DLG2: variants seen among roughly 807,000 people sequenced by gnomAD.
The protein encoded by DLG2 is disks large homolog 2.
A neutral mutation model predicts 132.5 loss-of-function variants in DLG2; 45 were observed. The ratio of observed to expected loss-of-function variants is 0.34; its 90% CI spans 0.27 to 0.44. The LOEUF (loss-of-function observed/expected upper bound fraction) is 0.44. Among genes scored for constraint, DLG2 ranks in the 20% least tolerant of loss-of-function variants. DLG2 has a pLI of 1.00. For synonymous variants in DLG2, 424 were observed against 419.6 expected, an observed-to-expected ratio of 1.01 and a Z score of -0.13; for missense variants, 1,045 against 1,196.9, an observed-to-expected ratio of 0.87 and a Z score of 1.87.
At chr11:84,996,777 A>C (rs947652097) in intron 6 of DLG2, among the ~76,000 whole-genome samples, 4 of 152,210 alleles carry the variant, frequency 2.6e-5, no homozygotes, top group Admixed American at 2.0e-4. Flanking sequence ...TGTACCTTTC[A>C]GGATGAGCAC....
intron 8 of DLG2, among the ~76,000 whole-genome samples, chr11:84,173,536 A>C (rs2095869726): frequency 6.6e-6 from 1 of 152,204 alleles, no homozygotes; most frequent in Admixed American, 6.5e-5. Context: ...AGGGAAATAA[A>C]AACTGGGTGC....
intron 2 of DLG2, among the ~76,000 whole-genome samples, chr11:85,623,660 G>A (rs190857883): frequency 1.3e-5 from 2 of 152,198 alleles, no homozygotes; most frequent in Admixed American, 6.5e-5. Flanking sequence ...AAGTAATAAA[G>A]GCATTGATTT....
At chr11:84,637,104 T>C (rs2154544601) in intron 6 of DLG2, among the ~76,000 whole-genome samples, 1 of 152,278 alleles carries the variant, frequency 6.6e-6, no homozygotes. Context: ...TCCTCTTTAA[T>C]GGACAGGTTA....
chr11:85,083,454 G>C (rs916449782), intron 6 of DLG2, among the ~76,000 whole-genome samples: 2 of 152,156 alleles, frequency 1.3e-5, no homozygotes, highest in African/African-American at 4.8e-5. Context: ...ATTGTGCCAA[G>C]GTTAAGGATA....
intron 6 of DLG2, among the ~76,000 whole-genome samples, chr11:85,082,636 G>A (rs943328912): frequency 6.6e-6 from 1 of 151,880 alleles, no homozygotes; most frequent in East Asian, 1.9e-4. Flanking sequence ...AGCAAAAAGG[G>A]AAGGAGGAAA....
chr11:85,230,013 A>G (rs2075209121), intron 4 of DLG2, among the ~76,000 whole-genome samples: 1 of 152,060 alleles, frequency 6.6e-6, no homozygotes, highest in Non-Finnish European at 1.5e-5. Flanking sequence ...TAGCATTAGG[A>G]GAAATACCTA....
chr11:83,472,168 C>T (rs1179697364), intron 23 of DLG2, among the ~76,000 whole-genome samples: 1 of 152,078 alleles, frequency 6.6e-6, no homozygotes, highest in Non-Finnish European at 1.5e-5. Flanking sequence ...GATCAAAATA[C>T]TCTCTATACT....
chr11:83,807,929 T>C (rs2046330022), intron 17 of DLG2, among the ~76,000 whole-genome samples: 1 of 152,176 alleles, frequency 6.6e-6, no homozygotes, highest in Admixed American at 6.5e-5. Flanking sequence ...TCTTCTCTTA[T>C]AATACCTGCT....
intron 7 of DLG2, chr11:84,316,903 G>A (rs1291051183): frequency 6.2e-7 from 1 of 1,612,734 alleles, no homozygotes; most frequent in African/African-American, 1.3e-5. Context: ...TCGTCTTGTG[G>A]GGGCTTTTCC....
chr11:84,299,514 G>C (rs2098129297), intron 7 of DLG2, among the ~76,000 whole-genome samples: 1 of 152,156 alleles, frequency 6.6e-6, no homozygotes, highest in African/African-American at 2.4e-5. Context: ...AATGGATCTG[G>C]TGATGACTTC....
At chr11:84,570,235 C>T (rs2099476255) in intron 6 of DLG2, among the ~76,000 whole-genome samples, 1 of 152,094 alleles carries the variant, frequency 6.6e-6, no homozygotes, top group Non-Finnish European at 1.5e-5. Context: ...TTCACATTTC[C>T]TTGCCATTGA....
chr11:83,535,153 C>A (rs781782442), intron 20 of DLG2, among the ~76,000 whole-genome samples: 73 of 152,270 alleles, frequency 4.8e-4, no homozygotes, highest in Middle Eastern at 3.4e-3. Context: ...AATCCAAGGG[C>A]AAATGATAAT....
chr11:83,499,898 T>A (rs10751095), intron 21 of DLG2, among the ~76,000 whole-genome samples: 21,543 of 92,356 alleles, frequency 0.23, 2,640 homozygotes, highest in Middle Eastern at 0.31. Flanking sequence ...TATATATATA[T>A]CAGTTCTGTC....
chr11:85,422,973 T>TC (rs1378784715), intron 3 of DLG2, among the ~76,000 whole-genome samples: 2 of 7,756 alleles, frequency 2.6e-4, no homozygotes, highest in Non-Finnish European at 1.2e-3. Flanking sequence ...TTTGGGTCCA[T>TC]TTTTTTTGAG....
intron 11 of DLG2, among the ~76,000 whole-genome samples, chr11:84,008,323 A>G (rs1275016842): frequency 6.6e-6 from 1 of 151,936 alleles, no homozygotes; most frequent in Non-Finnish European, 1.5e-5. Context: ...TCAGTTTCAT[A>G]TGGACATAAA....
chr11:83,494,897 A>G (rs2094066396), intron 21 of DLG2, among the ~76,000 whole-genome samples: 1 of 152,188 alleles, frequency 6.6e-6, no homozygotes, highest in Non-Finnish European at 1.5e-5. Context: ...GCTAAACCAC[A>G]TGAAGAACTA....
At chr11:85,391,113 G>A (rs745590657) in intron 3 of DLG2, among the ~76,000 whole-genome samples, 20 of 151,850 alleles carry the variant, frequency 1.3e-4, no homozygotes, top group Non-Finnish European at 1.9e-4. Flanking sequence ...ATATTGCAAC[G>A]GATACCACAG....
chr11:84,216,913 A>G (rs1189322002), intron 8 of DLG2, among the ~76,000 whole-genome samples: 1 of 152,200 alleles, frequency 6.6e-6, no homozygotes, highest in Non-Finnish European at 1.5e-5. Flanking sequence ...GAATCATGAA[A>G]ATATAGTAAA....
At chr11:83,746,761 T>C (rs1236102341) in intron 18 of DLG2, among the ~76,000 whole-genome samples, 1 of 152,162 alleles carries the variant, frequency 6.6e-6, no homozygotes, top group African/African-American at 2.4e-5. Context: ...CTCCCTTCAG[T>C]TTTTCTTTCA....
Sources: gnomAD v4.1 joint callset for allele counts (sites outside exome capture counted in the v4.1 genomes callset) on GRCh38, gnomAD v4.1.1 for gene constraint, MANE v1.5 for transcripts, NCBI Gene and HGNC (gene_info 2026-07-23, HGNC 2026-07-21) for gene names.